TENM3: variants seen among roughly 807,000 people sequenced by gnomAD.
TENM3 encodes teneurin transmembrane protein 3, also known as teneurin-3.
A neutral mutation model predicts 255.1 loss-of-function variants in TENM3; 63 were observed. That is an observed-to-expected ratio of 0.25 (90% CI 0.20 to 0.30). The LOEUF (loss-of-function observed/expected upper bound fraction) is 0.30. Among genes scored for constraint, TENM3 ranks in the 10% least tolerant of loss-of-function variants. TENM3 has a pLI of 1.00. For synonymous variants in TENM3, 1,306 were observed against 1,322.3 expected, an observed-to-expected ratio of 0.99 and a Z score of 0.27; for missense variants, 2,929 against 3,461.1, an observed-to-expected ratio of 0.85 and a Z score of 3.86.
the TENM3 span, among the ~76,000 whole-genome samples, chr4:181,513,168 A>C: frequency 6.6e-6 from 1 of 152,110 alleles, no homozygotes; most frequent in Non-Finnish European, 1.5e-5. Flanking sequence ...TGAGTCATTT[A>C]GCCTATAGTT....
chr4:181,779,568 A>C, the TENM3 span, among the ~76,000 whole-genome samples: 15 of 152,016 alleles, frequency 9.9e-5, no homozygotes, highest in African/African-American at 3.6e-4. Context: ...TATACATTTA[A>C]ATCTTCAATA....
chr4:182,150,143 C>T (rs1246467743), intron 1 of TENM3, among the ~76,000 whole-genome samples: 1 of 150,836 alleles, frequency 6.6e-6, no homozygotes, highest in Non-Finnish European at 1.5e-5. Context: ...TAATAACCAG[C>T]TATTTTATAA....
intron 3 of TENM3, among the ~76,000 whole-genome samples, chr4:182,516,126 A>G (rs185458379): frequency 1.6e-3 from 244 of 152,352 alleles, no homozygotes; most frequent in Admixed American, 3.3e-3. Flanking sequence ...TCCCCACATA[A>G]TTTGTTGTGG....
intron 1 of TENM3, among the ~76,000 whole-genome samples, chr4:182,230,468 A>C (rs755817734): frequency 6.6e-5 from 10 of 152,016 alleles, no homozygotes; most frequent in Non-Finnish European, 1.5e-4. Flanking sequence ...GATTAGGAGA[A>C]TATTTGTTGG....
the TENM3 span, among the ~76,000 whole-genome samples, chr4:181,692,983 A>G: frequency 6.6e-6 from 1 of 152,128 alleles, no homozygotes; most frequent in African/African-American, 2.4e-5. Flanking sequence ...GGAATTCTGG[A>G]CAGTTTGGGA....
At chr4:182,342,078 C>A (rs1190954837) in intron 2 of TENM3, among the ~76,000 whole-genome samples, 1 of 152,204 alleles carries the variant, frequency 6.6e-6, no homozygotes, top group Non-Finnish European at 1.5e-5. Flanking sequence ...AACAGTCCGG[C>A]AGTGCCTCAA....
At chr4:182,086,211 C>T in the TENM3 span, among the ~76,000 whole-genome samples, 8 of 152,256 alleles carry the variant, frequency 5.3e-5, 1 homozygote, top group Admixed American at 4.6e-4. Flanking sequence ...CTGACCCTGA[C>T]TCAGGCCTCC....
At chr4:182,600,818 A>T in intron 3 of TENM3, 106 bp from the exon 4 acceptor site, 45 of 491,726 alleles carry the variant, frequency 9.2e-5, no homozygotes, top group Non-Finnish European at 1.4e-4. Flanking sequence ...GCAGTTTTTA[A>T]TTCTAATTCA....
chr4:181,741,863 T>A, the TENM3 span, among the ~76,000 whole-genome samples: 1 of 152,184 alleles, frequency 6.6e-6, no homozygotes, highest in Non-Finnish European at 1.5e-5. Context: ...ATCACAACCG[T>A]ATTATTATTA....
chr4:181,629,166 G>C, the TENM3 span, among the ~76,000 whole-genome samples: 2 of 152,170 alleles, frequency 1.3e-5, no homozygotes, highest in East Asian at 3.9e-4. Context: ...GAATGCTTGT[G>C]ATTTTTGCAC....
the TENM3 span, among the ~76,000 whole-genome samples, chr4:181,876,428 G>T: frequency 6.6e-6 from 1 of 152,098 alleles, no homozygotes; most frequent in African/African-American, 2.4e-5. Context: ...GTTAGTCAGA[G>T]GCACTTATTT....
At chr4:181,514,967 C>G in the TENM3 span, among the ~76,000 whole-genome samples, 1 of 152,138 alleles carries the variant, frequency 6.6e-6, no homozygotes, top group Non-Finnish European at 1.5e-5. Context: ...TGACGCCAAA[C>G]GATGTTAGGT....
the TENM3 span, among the ~76,000 whole-genome samples, chr4:181,690,700 A>G: frequency 1.3e-5 from 2 of 152,226 alleles, no homozygotes; most frequent in Admixed American, 1.3e-4. Flanking sequence ...GCAGTAAATC[A>G]TAGAGCAGGG....
At chr4:181,568,330 A>AT in the TENM3 span, among the ~76,000 whole-genome samples, 1 of 151,718 alleles carries the variant, frequency 6.6e-6, no homozygotes, top group Non-Finnish European at 1.5e-5. Flanking sequence ...CACCCAGATA[A>AT]TTGTTTTGTT....
At chr4:182,227,023 C>T (rs1317389794) in intron 1 of TENM3, among the ~76,000 whole-genome samples, 3 of 152,088 alleles carry the variant, frequency 2.0e-5, no homozygotes, top group East Asian at 1.9e-4. Flanking sequence ...TCCTTTCTGC[C>T]GTAACTCCTG....
chr4:182,589,697 G>C (rs918363582), intron 3 of TENM3, among the ~76,000 whole-genome samples: 1 of 152,146 alleles, frequency 6.6e-6, no homozygotes, highest in Non-Finnish European at 1.5e-5. Context: ...TTGCGGCCGG[G>C]CGCAGTGGCT....
chr4:181,821,297 C>CA, the TENM3 span, among the ~76,000 whole-genome samples: 27 of 152,072 alleles, frequency 1.8e-4, no homozygotes, highest in Non-Finnish European at 3.1e-4. Flanking sequence ...CCGCTTGCTC[C>CA]AAAAAAGCCC....
At chr4:182,492,052 G>A (rs1735347014) in intron 3 of TENM3, among the ~76,000 whole-genome samples, 1 of 152,120 alleles carries the variant, frequency 6.6e-6, no homozygotes, top group African/African-American at 2.4e-5. Context: ...GAAGATGGAT[G>A]GGGACAGAGT....
the TENM3 span, among the ~76,000 whole-genome samples, chr4:181,860,472 A>G: frequency 6.6e-6 from 1 of 152,212 alleles, no homozygotes; most frequent in African/African-American, 2.4e-5. Flanking sequence ...ATAATGAGAA[A>G]CAGACAATGC....
Sources: gnomAD v4.1 joint callset for allele counts (sites outside exome capture counted in the v4.1 genomes callset) on GRCh38, gnomAD v4.1.1 for gene constraint, MANE v1.5 for transcripts, NCBI Gene and HGNC (gene_info 2026-07-23, HGNC 2026-07-21) for gene names.